SNTG1: variants seen among roughly 807,000 people sequenced by gnomAD.
The protein encoded by SNTG1 is syntrophin gamma 1, also known as gamma-1-syntrophin.
SNTG1 carries 39 observed loss-of-function variants against 74.7 expected under a neutral mutation model. The ratio of observed to expected loss-of-function variants is 0.52; its 90% CI spans 0.40 to 0.68. SNTG1 has a LOEUF of 0.68. SNTG1 is among the 30% of genes least tolerant of loss of function. The pLI is 0.00. For synonymous variants in SNTG1, 254 were observed against 217.1 expected, an observed-to-expected ratio of 1.17 and a Z score of -1.49; for missense variants, 685 against 609.5, an observed-to-expected ratio of 1.12 and a Z score of -1.30.
chr8:50,748,334 A>T (rs2095559731), intron 17 of SNTG1, among the ~76,000 whole-genome samples: 3 of 152,018 alleles, frequency 2.0e-5, no homozygotes. Flanking sequence ...TTTACCAGGA[A>T]TTATTTTACA....
chr8:49,918,452 G>A (rs74770433), intron 1 of SNTG1, among the ~76,000 whole-genome samples: 2,535 of 152,246 alleles, frequency 0.017, 37 homozygotes, highest in East Asian at 0.034. Context: ...ACTAATATCT[G>A]CAAATATCCC....
At chr8:50,580,664 TCTC>T (rs2094604618) in intron 12 of SNTG1, among the ~76,000 whole-genome samples, 1 of 152,156 alleles carries the variant, frequency 6.6e-6, no homozygotes, top group African/African-American at 2.4e-5. Flanking sequence ...GCTTGGCACT[TCTC>T]CTTGCTGCCA....
chr8:50,510,717 T>C (rs1213316679), intron 9 of SNTG1, among the ~76,000 whole-genome samples: 1 of 152,224 alleles, frequency 6.6e-6, no homozygotes, highest in Non-Finnish European at 1.5e-5. Context: ...GTGTTTATAA[T>C]ATTCTCTGAT....
chr8:50,181,843 A>G (rs1046737199), intron 2 of SNTG1, among the ~76,000 whole-genome samples: 1 of 152,144 alleles, frequency 6.6e-6, no homozygotes, highest in South Asian at 2.1e-4. Flanking sequence ...TTATTTCTTA[A>G]TATGTAGAAA....
intron 13 of SNTG1, among the ~76,000 whole-genome samples, chr8:50,621,073 T>C (rs921976988): frequency 2.6e-5 from 4 of 152,126 alleles, no homozygotes; most frequent in Non-Finnish European, 5.9e-5. Flanking sequence ...CTTTTTTTTT[T>C]TTTTTTGAGA....
chr8:50,539,618 G>T (rs1315163271), intron 11 of SNTG1, among the ~76,000 whole-genome samples: 1 of 152,162 alleles, frequency 6.6e-6, no homozygotes, highest in Non-Finnish European at 1.5e-5. Context: ...CAGCATGGAA[G>T]GGGAGGCACA....
At chr8:50,351,845 A>T (rs1338456574) in intron 2 of SNTG1, among the ~76,000 whole-genome samples, 1 of 152,196 alleles carries the variant, frequency 6.6e-6, no homozygotes, top group Non-Finnish European at 1.5e-5. Flanking sequence ...TTACTTGATG[A>T]TCTTTGGTAA....
chr8:50,149,909 G>GT (rs34992154), intron 1 of SNTG1, among the ~76,000 whole-genome samples: 7 of 152,046 alleles, frequency 4.6e-5, no homozygotes, highest in African/African-American at 9.7e-5. Context: ...CTTTAAAGTA[G>GT]TTTTTTTCCA....
At chr8:50,095,126 C>T (rs1469776430) in intron 1 of SNTG1, among the ~76,000 whole-genome samples, 5 of 151,998 alleles carry the variant, frequency 3.3e-5, no homozygotes, top group African/African-American at 9.7e-5. Flanking sequence ...GACAAAAAGA[C>T]GGGAGCAATA....
rs573238452 is a variant in SNTG1 at position 50,098,462 on chromosome 8, CATTGCATTTGGT to C, written c.-102-74096_-102-74085del. On this transcript the variant is annotated intron_variant, in intron 1 of 18. Coordinates refer to ENST00000642720, the MANE Select transcript of SNTG1 (RefSeq NM_018967.5). Reference sequence around the variant, plus strand: ...CTAACAACTATTTACATAGGATTTTCATTGCATTTGGTATACGTAATCTAGAGATAAGTATGC... The same window carrying C: ...CTAACAACTATTTACATAGGATTTTCATACGTAATCTAGAGATAAGTATGC... 5.8e-4 allele frequency among the ~76,000 whole-genome samples: 88 copies of C among 152,244 alleles called. 1 individual carries two copies. The East Asian group carries it at 0.015, about 25-fold the overall frequency.
rs72642378 is a variant in SNTG1, at chr8:50,456,457, A to C, written c.363+5728A>C. 8.6e-3 allele frequency among the ~76,000 whole-genome samples: 1,310 copies of C among 152,086 alleles called. 10 individuals are homozygous for C. The highest frequency in any genetic ancestry group is 0.017 in the Middle Eastern group (5 of 294). Reference sequence around the variant, plus strand: ...TAAGGCACCAACAGGCTTGGAGTGCACTGAGGGCTGCTCTCTGCTTTAAAG... The same window carrying C: ...TAAGGCACCAACAGGCTTGGAGTGCCCTGAGGGCTGCTCTCTGCTTTAAAG... On this transcript the variant is annotated intron_variant, in intron 8 of 18. Transcript: ENST00000642720.
chr8:50,387,888 C>A (rs1276812619), intron 2 of SNTG1, among the ~76,000 whole-genome samples: 1 of 152,150 alleles, frequency 6.6e-6, no homozygotes, highest in East Asian at 1.9e-4. Context: ...AAGGCTATCA[C>A]TCTACCACCA....
intron 9 of SNTG1, among the ~76,000 whole-genome samples, chr8:50,509,540 A>G (rs1457721149): frequency 6.6e-6 from 1 of 152,078 alleles, no homozygotes; most frequent in Non-Finnish European, 1.5e-5. Context: ...GATTCTTCCT[A>G]CCCATGAGCA....
chr8:50,591,674 T>C (rs73676307), intron 13 of SNTG1, among the ~76,000 whole-genome samples: 47 of 152,336 alleles, frequency 3.1e-4, no homozygotes, highest in African/African-American at 1.1e-3. Flanking sequence ...ACAGAATTTA[T>C]GTTTTGTAGA....
chr8:50,769,909 T>C (rs1174055635), intron 18 of SNTG1, among the ~76,000 whole-genome samples: 1 of 152,122 alleles, frequency 6.6e-6, no homozygotes, highest in Non-Finnish European at 1.5e-5. Flanking sequence ...AAGCAAGCAG[T>C]TTAGCAGAGA....
intron 13 of SNTG1, among the ~76,000 whole-genome samples, chr8:50,635,465 G>C (rs1008374436): frequency 2.0e-5 from 3 of 152,152 alleles, no homozygotes; most frequent in Non-Finnish European, 4.4e-5. Flanking sequence ...TTTACCTGGT[G>C]CTCTACTCTA....
intron 12 of SNTG1, among the ~76,000 whole-genome samples, chr8:50,572,697 A>G (rs1421355278): frequency 6.6e-6 from 1 of 152,158 alleles, no homozygotes; most frequent in Non-Finnish European, 1.5e-5. Context: ...TTCTCTTCTC[A>G]TGGTAAAAGT....
At chr8:50,293,508 C>G (rs2089224442) in intron 2 of SNTG1, among the ~76,000 whole-genome samples, 1 of 151,176 alleles carries the variant, frequency 6.6e-6, no homozygotes, top group Non-Finnish European at 1.5e-5. Context: ...CTCCTGGGTT[C>G]AAGAGATTCT....
At chr8:50,433,479 G>GTTTTTT (rs11444705) in intron 4 of SNTG1, among the ~76,000 whole-genome samples, 1 of 141,942 alleles carries the variant, frequency 7.0e-6, no homozygotes, top group Non-Finnish European at 1.5e-5. Flanking sequence ...TGAGTTTTCT[G>GTTTTTT]TTTTTTTTTT....
Sources: gnomAD v4.1 joint callset for allele counts (sites outside exome capture counted in the v4.1 genomes callset) on GRCh38, gnomAD v4.1.1 for gene constraint, MANE v1.5 for transcripts, NCBI Gene and HGNC (gene_info 2026-07-23, HGNC 2026-07-21) for gene names.